The following CNNM2 variants were observed in gnomAD, a reference collection of about 807,000 sequenced individuals.
CNNM2 encodes cyclin and CBS domain divalent metal cation transport mediator 2.
CNNM2 carries 12 observed loss-of-function variants against 66.9 expected under a neutral mutation model. The observed-to-expected ratio is 0.18, with a 90% confidence interval of 0.11 to 0.29. The LOEUF is 0.29. CNNM2 is among the 10% of genes least tolerant of loss of function. CNNM2 has a pLI of 1.00. For missense variants in CNNM2, 705 were observed against 1,167.7 expected (o/e 0.60, Z 5.77); for synonymous variants, 557 against 501.8 (o/e 1.11, Z -1.47).
chr10:103,001,860 A>AG (rs1350935845), intron 1 of CNNM2, among the ~76,000 whole-genome samples: 4 of 151,888 alleles, frequency 2.6e-5, no homozygotes, highest in Non-Finnish European at 5.9e-5. Context: ...AAAAATAGCC[A>AG]GGTGCATGCC....
chr10:103,028,175 T>C (rs1369436910), intron 1 of CNNM2, among the ~76,000 whole-genome samples: 2 of 152,228 alleles, frequency 1.3e-5, no homozygotes, highest in African/African-American at 4.8e-5. Context: ...CACAGAAAGC[T>C]TAAGACAGTT....
chr10:103,019,826 TAAG>T (rs2064536116), intron 1 of CNNM2, among the ~76,000 whole-genome samples: 1 of 152,150 alleles, frequency 6.6e-6, no homozygotes, highest in Middle Eastern at 3.2e-3. Context: ...AAAATCGTAA[TAAG>T]GTTCTATATT....
intron 1 of CNNM2, among the ~76,000 whole-genome samples, chr10:102,945,559 C>T (rs1433227038): frequency 7.9e-5 from 12 of 151,998 alleles, no homozygotes; most frequent in Non-Finnish European, 1.3e-4. Flanking sequence ...CATCCCCCTG[C>T]GCCCCACAGT....
intron 1 of CNNM2, among the ~76,000 whole-genome samples, chr10:103,043,479 A>G (rs758515006): frequency 2.6e-5 from 4 of 152,236 alleles, no homozygotes; most frequent in Non-Finnish European, 5.9e-5. Flanking sequence ...AACAGTTATT[A>G]CCATCAAAAT....
intron 1 of CNNM2, among the ~76,000 whole-genome samples, chr10:103,047,882 G>A (rs767462577): frequency 5.9e-5 from 9 of 152,072 alleles, no homozygotes; most frequent in East Asian, 1.9e-4. Flanking sequence ...AAGCTGTTAC[G>A]CTCGTGGCTA....
chr10:103,073,838 T>C (rs1162498413), intron 6 of CNNM2, among the ~76,000 whole-genome samples: 1 of 123,044 alleles, frequency 8.1e-6, no homozygotes, highest in African/African-American at 3.2e-5. Context: ...GTCCGCAGTC[T>C]GGCCTGGGCG....
In CNNM2 at chr10:103,089,162, C is replaced by T. The variant is rs1432611443; in HGVS notation, c.*11982C>T. ...AGAGTCACTGAGGATGAATTAAAGG[C>T]TTATAAAAGAAAACTTGACCTTAAC... On this transcript the variant is annotated 3_prime_UTR_variant, in exon 8 of 8. Transcript: ENST00000369878. 4.4e-6 allele frequency: 1 copy of T among 225,896 alleles called. No homozygotes were observed. The highest frequency in any genetic ancestry group is 8.8e-6 in the Non-Finnish European group (1 of 113,562). 14.0% of individuals were successfully genotyped at this position (225,896 alleles called of 1,614,324 possible). A position where few individuals can be genotyped will look rare whatever the true frequency, so the allele number is the denominator to read the frequency against.
intron 1 of CNNM2, among the ~76,000 whole-genome samples, chr10:103,014,884 C>G (rs2064412047): frequency 6.7e-6 from 1 of 149,674 alleles, no homozygotes; most frequent in Admixed American, 6.7e-5. Flanking sequence ...AGAGCACTAC[C>G]CTGTCTTTAA....
chr10:103,085,101 C>T lies in CNNM2; in HGVS notation c.*7921C>T, dbSNP rs1166822900. 6.6e-6 allele frequency: 1 copy of T among 152,160 alleles called. No homozygotes were observed. Among genetic ancestry groups the T allele is most frequent in the African/African-American group, 2.4e-5 (1 of 41,420 alleles). The allele number at this position is 152,160 out of a possible 1,614,324, so 9.4% of individuals were successfully genotyped here. ...GCATGCCATCTCCCCTAGTGGATTACTGAGGACTGAGGATGCACGTTTCTA... is the reference window on the plus strand; with the variant it reads ...GCATGCCATCTCCCCTAGTGGATTATTGAGGACTGAGGATGCACGTTTCTA... On this transcript the variant is annotated 3_prime_UTR_variant, in exon 8 of 8. Coordinates refer to ENST00000369878, the MANE Select transcript of CNNM2 (RefSeq NM_017649.5).
chr10:103,045,852 C>T (rs1430342118), intron 1 of CNNM2, among the ~76,000 whole-genome samples: 5 of 151,936 alleles, frequency 3.3e-5, no homozygotes, highest in Non-Finnish European at 5.9e-5. Context: ...ACTATGTTGC[C>T]CAGGCTGGTC....
chr10:103,058,162 T>G lies in CNNM2; in HGVS notation c.2073+1198T>G, dbSNP rs558952145. ...TCTTACAGTCCTTCTTAGAAACTTC[T>G]GTTTGCAAGTTTACTAATTTAGTAC... On this transcript the variant is annotated intron_variant, in intron 4 of 7. Coordinates refer to ENST00000369878, the MANE Select transcript of CNNM2 (RefSeq NM_017649.5). Among the ~76,000 whole-genome samples the G allele has an allele frequency of 3.3e-5, 5 of 152,374 alleles. No individual in the cohort carries two copies. The South Asian group carries it at 8.3e-4, about 25-fold the overall frequency.
At chr10:102,930,021 T>G (rs949176939) in intron 1 of CNNM2, among the ~76,000 whole-genome samples, 12 of 152,196 alleles carry the variant, frequency 7.9e-5, no homozygotes, top group African/African-American at 1.4e-4. Context: ...TTTTTTCCCC[T>G]GGAAATCTTA....
chr10:103,001,780 G>C (rs2064126895), intron 1 of CNNM2, among the ~76,000 whole-genome samples: 1 of 152,054 alleles, frequency 6.6e-6, no homozygotes, highest in Non-Finnish European at 1.5e-5. Context: ...GAGGTGGGTG[G>C]ATCATTTGAG....
intron 6 of CNNM2, among the ~76,000 whole-genome samples, chr10:103,072,112 C>T (rs1319978644): frequency 1.3e-5 from 2 of 152,032 alleles, no homozygotes; most frequent in Non-Finnish European, 2.9e-5. Context: ...GGATTGTTAG[C>T]GCTCCCTGCC....
Position 103,071,856 on chromosome 10 carries a change from C to T in CNNM2, c.2233+17C>T, listed in dbSNP as rs201729946. On this transcript the variant is annotated intron_variant, in intron 6 of 7. Coordinates refer to ENST00000369878, the MANE Select transcript of CNNM2 (RefSeq NM_017649.5). ...GTTCTCCAGGTAATTCTGCATGCTT[C>T]CTTTCCGTAATTCTCCTGATTGCCT... 1.8e-3 allele frequency: 2,956 copies of T among 1,611,426 alleles called. 18 individuals are homozygous for T. The highest frequency in any genetic ancestry group is 0.011 in the South Asian group (990 of 91,026).
chr10:103,072,273 C>T (rs1370646961), intron 6 of CNNM2, among the ~76,000 whole-genome samples: 3 of 152,158 alleles, frequency 2.0e-5, no homozygotes, highest in African/African-American at 7.2e-5. Flanking sequence ...TTGCCAAAGG[C>T]CTGAGAGCTG....
intron 1 of CNNM2, among the ~76,000 whole-genome samples, chr10:103,026,657 A>G (rs1290379006): frequency 1.3e-5 from 2 of 151,988 alleles, no homozygotes; most frequent in Non-Finnish European, 2.9e-5. Context: ...AATTCTTAGT[A>G]AAATTTCTAC....
chr10:103,078,991 A>G lies in CNNM2; in HGVS notation c.*1811A>G, dbSNP rs2065729970. The G allele has an allele frequency of 6.6e-6, 1 of 152,192 alleles. No homozygotes were observed. Among genetic ancestry groups the G allele is most frequent in the South Asian group, 2.1e-4 (1 of 4,828 alleles). The allele number at this position is 152,192 out of a possible 1,614,324, so 9.4% of individuals were successfully genotyped here. ...TTCCTCAGAAGGTGCCGTGTCCCTT[A>G]GTGGGGGGAAGTACTGATCTCACTT... On this transcript the variant is annotated 3_prime_UTR_variant, in exon 8 of 8. Coordinates refer to ENST00000369878, the MANE Select transcript of CNNM2 (RefSeq NM_017649.5).
At chr10:103,071,461 C>A (rs1564870884) in intron 5 of CNNM2, among the ~76,000 whole-genome samples, 1 of 152,186 alleles carries the variant, frequency 6.6e-6, no homozygotes, top group East Asian at 1.9e-4. Flanking sequence ...TGCGCAGCTA[C>A]TGGTGATTTA....
Sources: allele counts gnomAD v4.1 joint callset (sites outside exome capture counted in the v4.1 genomes callset), GRCh38; gene constraint gnomAD v4.1.1; transcripts MANE v1.5; gene names NCBI Gene and HGNC (gene_info 2026-07-23, HGNC 2026-07-21).